The following SPTA1 variants were observed in gnomAD, a reference collection of about 807,000 sequenced individuals.
The protein encoded by SPTA1 is spectrin alpha chain, erythrocytic 1.
A neutral mutation model predicts 324.7 loss-of-function variants in SPTA1; 177 were observed. The ratio of observed to expected loss-of-function variants is 0.55; its 90% CI spans 0.48 to 0.62. SPTA1 has a LOEUF of 0.62. SPTA1 is among the 20% of genes least tolerant of loss of function. The probability of loss-of-function intolerance (pLI) is 0.00; values close to 1 mark genes in which losing one functional copy is unlikely to be tolerated. For missense variants in SPTA1, 3,162 were observed against 2,883.6 expected, an observed-to-expected ratio of 1.10 and a Z score of -2.21; for synonymous variants, 1,195 against 1,041.3, an observed-to-expected ratio of 1.15 and a Z score of -2.84.
chr1:158,641,049 G>A (rs1651523056), intron 33 of SPTA1, among the ~76,000 whole-genome samples: 1 of 152,142 alleles, frequency 6.6e-6, no homozygotes, highest in Non-Finnish European at 1.5e-5. Context: ...AGAAAAACAA[G>A]CAATGGGGAA....
At chr1:158,618,153 G>A (rs1649692412) in intron 45 of SPTA1, 97 bp from the exon 46 acceptor site, 3 of 1,304,626 alleles carry the variant, frequency 2.3e-6, no homozygotes, top group Non-Finnish European at 3.3e-6. Flanking sequence ...TCAGATTTAT[G>A]AAACATTTTA....
At chr1:158,684,075 A>G (rs1655002384) in intron 2 of SPTA1, among the ~76,000 whole-genome samples, 2 of 110,946 alleles carry the variant, frequency 1.8e-5, no homozygotes, top group Non-Finnish European at 1.9e-5. Flanking sequence ...GTTAAGAGCC[A>G]TGAATAGCAA....
At chr1:158,640,974 G>T (rs1380564978) in intron 33 of SPTA1, among the ~76,000 whole-genome samples, 2 of 152,058 alleles carry the variant, frequency 1.3e-5, no homozygotes, top group Non-Finnish European at 2.9e-5. Context: ...TAGACCAACG[G>T]AACAGAACAG....
chr1:158,623,015 T>C lies in SPTA1; in HGVS notation c.6088A>G (p.Lys2030Glu), dbSNP rs1650015271. The stretch of plus-strand genomic sequence containing the variant: ...AGAGGCAGCTGTTTCTCCAGCAATT[T>C]CTGTCTGTGGACTGCCGAGGCTTCC... ...LLEASAVHRQ[K>E]LLEKQLPLQK... Residue 2030 changes from lysine to glutamate, a missense_variant, in exon 43 of 52, where the codon AAA (lysine) becomes GAA (glutamate). Physicochemically the swap from Lys to Glu is moderately conservative, Grantham distance 56. Coordinates refer to ENST00000643759, the MANE Select transcript of SPTA1 (RefSeq NM_003126.4). 1.2e-6 allele frequency: 2 copies of C among 1,614,114 alleles called. No individual in the cohort carries two copies. The highest frequency in any genetic ancestry group is 4.5e-5 in the East Asian group (2 of 44,898).
chr1:158,658,393 T>C (rs897445995), intron 18 of SPTA1, among the ~76,000 whole-genome samples: 1 of 152,142 alleles, frequency 6.6e-6, no homozygotes. Flanking sequence ...TGATTACTCA[T>C]ATGCACACAT....
At chr1:158,637,997 G>A in intron 36 of SPTA1, 36 bp downstream of exon 36, 2 of 1,598,492 alleles carry the variant, frequency 1.3e-6, no homozygotes, top group African/African-American at 1.3e-5. Context: ...CTACTCGCTT[G>A]TATTATCCAC....
intron 10 of SPTA1, among the ~76,000 whole-genome samples, chr1:158,672,506 G>A (rs1654095795): frequency 6.6e-6 from 1 of 152,172 alleles, no homozygotes; most frequent in African/African-American, 2.4e-5. Flanking sequence ...TAGGGAATGG[G>A]TATCAGGACT....
At chr1:158,672,385 A>G (rs1289824845) in intron 10 of SPTA1, among the ~76,000 whole-genome samples, 189 bp from the exon 11 acceptor site, 1 of 152,250 alleles carries the variant, frequency 6.6e-6, no homozygotes, top group African/African-American at 2.4e-5. Flanking sequence ...TAAAAGAGGT[A>G]AAACACTATA....
intron 15 of SPTA1, among the ~76,000 whole-genome samples, chr1:158,667,655 G>A (rs1307062818): frequency 6.6e-6 from 1 of 152,082 alleles, no homozygotes. Context: ...ACCCTTGAAG[G>A]AAACATAAAA....
At chr1:158,638,677 A>T (rs78864253) in intron 35 of SPTA1, among the ~76,000 whole-genome samples, 2 of 143,852 alleles carry the variant, frequency 1.4e-5, no homozygotes, top group African/African-American at 2.6e-5. Flanking sequence ...TTAGCCGGGC[A>T]TGCTGGCGTG....
intron 20 of SPTA1, 116 bp downstream of exon 20, chr1:158,656,448 G>A: frequency 4.4e-6 from 4 of 909,448 alleles, no homozygotes; most frequent in South Asian, 1.3e-5. Flanking sequence ...ATAGAACTTA[G>A]TGTTTTCTTT....
chr1:158,623,349 T>TG (rs1465885226), intron 42 of SPTA1, among the ~76,000 whole-genome samples, 157 bp from the exon 43 acceptor site: 1 of 152,254 alleles, frequency 6.6e-6, no homozygotes, highest in Non-Finnish European at 1.5e-5. Context: ...AGCAAACATT[T>TG]GGGGCTGAAA....
chr1:158,682,941 A>T (rs998604665), intron 3 of SPTA1, among the ~76,000 whole-genome samples: 1 of 152,182 alleles, frequency 6.6e-6, no homozygotes, highest in Non-Finnish European at 1.5e-5. Context: ...GTATGAAAAG[A>T]AAGAGGCATC....
At chr1:158,642,338 A>G (rs1651661187) in intron 33 of SPTA1, 73 bp downstream of exon 33, 2 of 1,473,888 alleles carry the variant, frequency 1.4e-6, no homozygotes, top group Admixed American at 4.3e-5. Context: ...AATACAATAA[A>G]TTAAAAAAAA....
intron 38 of SPTA1, 80 bp from the exon 39 acceptor site, chr1:158,634,755 A>C: frequency 3.4e-4 from 517 of 1,526,648 alleles, no homozygotes; most frequent in Non-Finnish European, 4.3e-4. Flanking sequence ...GCACAATCTC[A>C]TTCAGGCAGA....
intron 2 of SPTA1, among the ~76,000 whole-genome samples, chr1:158,684,788 T>G (rs576357479): frequency 5.3e-4 from 81 of 152,246 alleles, no homozygotes; most frequent in African/African-American, 1.9e-3. Context: ...ATATCCTTGG[T>G]TAATGATTAA....
intron 31 of SPTA1, 22 bp from the exon 32 acceptor site, chr1:158,642,998 C>T: frequency 2.5e-6 from 4 of 1,613,238 alleles, no homozygotes; most frequent in Non-Finnish European, 3.4e-6. Flanking sequence ...AGCCAAATCA[C>T]TCTATGCCCT....
rs1654547956 is a variant in SPTA1 at position 158,678,382 on chromosome 1, GCAGTGGCCAGATC to G, written c.812+6_812+18del. 1 of 1,613,264 alleles carries G rather than the reference GCAGTGGCCAGATC, an allele frequency of 6.2e-7. No homozygotes were observed. Among genetic ancestry groups the G allele is most frequent in the South Asian group, 1.1e-5 (1 of 91,080 alleles). On this transcript the variant is annotated splice_donor_region_variant and intron_variant, in intron 6 of 51. Coordinates refer to ENST00000643759, the MANE Select transcript of SPTA1 (RefSeq NM_003126.4). ...AAAGCACTTCAAAGTTTTCTATAAA[GCAGTGGCCAGATC>G]CATACCTTTTGAATCGTTGTAAGTT... is the stretch of plus-strand genomic sequence containing the variant.
Position 158,626,836 on chromosome 1 carries a change from T to C in SPTA1, c.5833+3A>G. 6.2e-7 allele frequency: 1 copy of C among 1,613,590 alleles called. No homozygotes were observed. The highest frequency in any genetic ancestry group is 8.5e-7 in the Non-Finnish European group (1 of 1,179,578). On this transcript the variant is annotated splice_donor_region_variant and intron_variant, in intron 41 of 51. Transcript: ENST00000643759. ...AAGGGACCCTGAACCTGACACATCATACCTATCCAAGCCTCTACCACATCA... is the reference window on the plus strand; with the variant it reads ...AAGGGACCCTGAACCTGACACATCACACCTATCCAAGCCTCTACCACATCA...
Sources: allele counts gnomAD v4.1 joint callset (sites outside exome capture counted in the v4.1 genomes callset), GRCh38; gene constraint gnomAD v4.1.1; transcripts MANE v1.5; gene names NCBI Gene and HGNC (gene_info 2026-07-23, HGNC 2026-07-21).